Variants in TPO observed in about 807,000 individuals in gnomAD.
The protein encoded by TPO is thyroid microsomal antigen.
A neutral mutation model predicts 96.9 loss-of-function variants in TPO; 78 were observed. The observed-to-expected ratio is 0.81, with a 90% confidence interval of 0.67 to 0.97. The LOEUF is 0.97. TPO is among the 50% of genes least tolerant of loss of function. The pLI, the probability that TPO is intolerant of heterozygous loss-of-function variation, is 0.00. For synonymous variants in TPO, 547 were observed against 538.0 expected (o/e 1.02, Z -0.23); for missense variants, 1,252 against 1,274.8 (o/e 0.98, Z 0.27).
rs1377963820 is a variant in TPO at position 1,477,393 on chromosome 2, C to T, written c.1127C>T (p.Ala376Val). ...FVPPRAPAAC[A>V]PEPGIPGETR... ...CCGCCACGCGCGCCTGCGGCCTGTG[C>T]GCCCGAGCCCGGCATCCCCGGAGAG... The change falls in exon 8 of 17, where the codon GCG (alanine) becomes GTG (valine). Residue 376 changes from alanine to valine, a missense_variant. By Grantham distance (64) the Ala-to-Val change is moderately conservative (BLOSUM62 0). Transcript: ENST00000329066. 5.2e-6 allele frequency: 8 copies of T among 1,524,550 alleles called. No homozygotes were observed. Among genetic ancestry groups the T allele is most frequent in the Middle Eastern group, 2.2e-4 (1 of 4,588 alleles). The allele number at this position is 1,524,550 out of a possible 1,614,324, so 94.4% of individuals were successfully genotyped here. A position where few individuals can be genotyped will look rare whatever the true frequency, so the allele number is the denominator to read the frequency against.
At chr2:1,383,160 A>C (rs1293221387) in intron 1 of TPO, among the ~76,000 whole-genome samples, 1 of 152,210 alleles carries the variant, frequency 6.6e-6, no homozygotes, top group East Asian at 1.9e-4. Flanking sequence ...AGTCTTTGCT[A>C]TTGTGAGTAG....
At chr2:1,391,508 G>A (rs1380465762) in intron 1 of TPO, among the ~76,000 whole-genome samples, 1 of 152,074 alleles carries the variant, frequency 6.6e-6, no homozygotes, top group African/African-American at 2.4e-5. Context: ...GCTCTTTTTT[G>A]CTTCCATATG....
chr2:1,406,703 A>G (rs1662255110), intron 1 of TPO, among the ~76,000 whole-genome samples: 1 of 152,246 alleles, frequency 6.6e-6, no homozygotes, highest in Non-Finnish European at 1.5e-5. Context: ...TTACCCCTAG[A>G]AACTCCTTCA....
At position 1,534,226 on chromosome 2, in the gene TPO, A is replaced by T. The variant is rs1322025587; in HGVS notation, c.2619-6368A>T. Among the ~76,000 whole-genome samples the T allele has an allele frequency of 5.2e-5, 4 of 76,558 alleles. 1 individual carries two copies. In the Admixed American group the frequency reaches 7.7e-4, roughly 15 times the overall value. The allele number at this position is 76,558 out of a possible 152,430, so 50.2% of individuals were successfully genotyped here. The stretch of plus-strand genomic sequence containing the variant: ...CCCCCAATCTCCCCCACTGTGTGCA[A>T]CCTCCTCAAATCCCCCATCACTCAG... On this transcript the variant is annotated intron_variant, in intron 15 of 16. Transcript: ENST00000329066.
chr2:1,395,089 C>T (rs1384970012), intron 1 of TPO, among the ~76,000 whole-genome samples: 1 of 152,138 alleles, frequency 6.6e-6, no homozygotes, highest in African/African-American at 2.4e-5. Context: ...TCCTCCATTG[C>T]CTGTCAGTGC....
intron 3 of TPO, among the ~76,000 whole-genome samples, chr2:1,428,310 G>T (rs565452097): frequency 2.0e-5 from 3 of 152,172 alleles, no homozygotes; most frequent in Non-Finnish European, 4.4e-5. Flanking sequence ...TGGCTTGTGG[G>T]GTGGTTGAAG....
intron 15 of TPO, among the ~76,000 whole-genome samples, chr2:1,538,062 C>G (rs1232686538): frequency 1.0e-5 from 1 of 95,984 alleles, no homozygotes; most frequent in Non-Finnish European, 2.0e-5. Flanking sequence ...CTCAAATCCC[C>G]CACACTGTGT....
intron 14 of TPO, among the ~76,000 whole-genome samples, chr2:1,516,181 C>T (rs1435590439): frequency 1.3e-5 from 2 of 152,166 alleles, no homozygotes; most frequent in Non-Finnish European, 2.9e-5. Context: ...CCTCAGGCCC[C>T]TCACCAGATG....
In TPO at chr2:1,496,234, C is replaced by T. The variant is rs572739125; in HGVS notation, c.2215+37C>T. On this transcript the variant is annotated intron_variant, in intron 12 of 16. Coordinates refer to ENST00000329066, the MANE Select transcript of TPO (RefSeq NM_001206744.2). ...TCTCCTCTCACACCACGTTACAGCA[C>T]GTGCATCTCATCAAACAAAGCTTAT... 35 of 1,599,892 alleles carry T rather than the reference C, an allele frequency of 2.2e-5. 1 individual carries two copies. The highest frequency in any genetic ancestry group is 1.1e-4 in the South Asian group (10 of 89,544).
chr2:1,422,562 C>T (rs186647477), intron 2 of TPO, among the ~76,000 whole-genome samples: 177 of 152,318 alleles, frequency 1.2e-3, no homozygotes, highest in African/African-American at 3.8e-3. Flanking sequence ...TTACCGCGTC[C>T]GGAACTTCAC....
At chr2:1,377,608 G>T (rs1661741187) in intron 1 of TPO, among the ~76,000 whole-genome samples, 1 of 152,172 alleles carries the variant, frequency 6.6e-6, no homozygotes, top group Non-Finnish European at 1.5e-5. Context: ...GCCCTGCCTG[G>T]CTGCTTTCGG....
chr2:1,422,957 G>A, intron 2 of TPO, 88 bp from the exon 3 acceptor site: 1 of 1,471,270 alleles, frequency 6.8e-7, no homozygotes, highest in Non-Finnish European at 9.4e-7. Context: ...CATCACCGCA[G>A]CAAGATGGGC....
rs369441749 is a variant in TPO, at chr2:1,414,421, G to T, written c.13G>T (p.Ala5Ser). The T allele has an allele frequency of 4.3e-6, 7 of 1,613,708 alleles. No homozygotes were observed. Among genetic ancestry groups the T allele is most frequent in the Non-Finnish European group, 5.9e-6 (7 of 1,179,934 alleles). ...CGTTAATTTTAGAATGAGAGCGCTC[G>T]CTGTGCTGTCTGTCACGCTGGTTAT... is the stretch of plus-strand genomic sequence containing the variant. MRAL[A>S]VLSVTLVMAC... Residue 5 changes from alanine (A) to serine (S), a missense_variant, in exon 2 of 17, where the codon GCT (alanine) becomes TCT (serine). By Grantham distance (99) the Ala-to-Ser change is moderately conservative. Transcript: ENST00000329066.
intron 13 of TPO, among the ~76,000 whole-genome samples, chr2:1,501,935 A>G (rs1164436569): frequency 6.6e-6 from 1 of 152,154 alleles, no homozygotes; most frequent in Non-Finnish European, 1.5e-5. Context: ...CAGGGAACTC[A>G]TAAGGATGAG....
chr2:1,471,712 T>C (rs948900267), intron 7 of TPO, among the ~76,000 whole-genome samples: 3 of 152,150 alleles, frequency 2.0e-5, no homozygotes, highest in African/African-American at 7.2e-5. Flanking sequence ...ATGTTGATAT[T>C]TGAAGTGTGT....
chr2:1,537,090 C>CCTGCCACT (rs1558440159), intron 15 of TPO, among the ~76,000 whole-genome samples: 1 of 108,858 alleles, frequency 9.2e-6, no homozygotes, highest in African/African-American at 3.5e-5. Flanking sequence ...TCACCAAATC[C>CCTGCCACT]GTCCACTGTG....
At chr2:1,379,632 C>G (rs1661778267) in intron 1 of TPO, among the ~76,000 whole-genome samples, 1 of 152,172 alleles carries the variant, frequency 6.6e-6, no homozygotes, top group African/African-American at 2.4e-5. Context: ...CGGTATAGCT[C>G]ACAGCCTTCC....
chr2:1,412,622 G>A (rs370237955), upstream of TPO, among the ~76,000 whole-genome samples: 50 of 152,188 alleles, frequency 3.3e-4, no homozygotes, highest in South Asian at 8.3e-4. Context: ...TTAGCATTTG[G>A]TTTCAAATTA....
intron 5 of TPO, among the ~76,000 whole-genome samples, chr2:1,446,148 A>C (rs1467840484): frequency 6.6e-6 from 1 of 152,112 alleles, no homozygotes; most frequent in Non-Finnish European, 1.5e-5. Flanking sequence ...CGAGAACTGT[A>C]CACCCCAGAG....
Sources: gnomAD v4.1 joint callset for allele counts (sites outside exome capture counted in the v4.1 genomes callset) on GRCh38, gnomAD v4.1.1 for gene constraint, MANE v1.5 for transcripts, NCBI Gene and HGNC (gene_info 2026-07-23, HGNC 2026-07-21) for gene names.